The following ZNF433 variants were observed in gnomAD, a reference collection of about 807,000 sequenced individuals.
ZNF433 encodes zinc finger protein 433.
In ZNF433, 12 loss-of-function variants were observed where a neutral mutation model predicts 10.6. The ratio of observed to expected loss-of-function variants is 1.13; its 90% CI spans 0.72 to 1.83. The LOEUF (loss-of-function observed/expected upper bound fraction) is 1.83, where lower values mean the gene tolerates loss of function less well. ZNF433 is among the 40% of genes most tolerant of loss of function. The pLI, the probability that ZNF433 is intolerant of heterozygous loss-of-function variation, is 0.00. For synonymous variants in ZNF433, 272 were observed against 271.3 expected (o/e 1.00, Z -0.02); for missense variants, 737 against 798.0 (o/e 0.92, Z 0.92).
intron 1 of ZNF433, chr19:12,023,879 C>T (rs983863633): frequency 3.9e-5 from 6 of 151,942 alleles, no homozygotes; most frequent in African/African-American, 1.2e-4. Context: ...ACATATGATG[C>T]ATGAAATGGG....
Position 12,015,025 on chromosome 19 carries a change from T to G in ZNF433, c.1833A>C (p.Gly611=). The change falls in exon 4 of 4, where the codon GGA becomes GGC. Residue 611 remains glycine, a synonymous_variant. Transcript: ENST00000550507. The part of the protein sequence containing the change: ...RLQMHGRTHT[G]EKPYKCKQCG... ...ATTGCTTACATTTATACGGTTTCTC[T>G]CCAGTGTGAGTCCTTCCATGCATTT... The G allele has an allele frequency of 6.2e-7, 1 of 1,614,062 alleles. No homozygotes were observed. The highest frequency in any genetic ancestry group is 8.5e-7 in the Non-Finnish European group (1 of 1,179,982).
chr19:12,028,385 TA>T (rs1308166836), intron 1 of ZNF433, among the ~76,000 whole-genome samples: 4 of 152,126 alleles, frequency 2.6e-5, no homozygotes, highest in Non-Finnish European at 4.4e-5. Context: ...ATCAACTGCA[TA>T]AAAAAATGTA....
At chr19:12,026,808 C>G (rs1272743095) in intron 1 of ZNF433, 3 of 454,030 alleles carry the variant, frequency 6.6e-6, no homozygotes, top group African/African-American at 6.0e-5. Flanking sequence ...AATTGCACCT[C>G]TCAGTCTGCC....
intron 1 of ZNF433, chr19:12,025,045 AT>A (rs1974671225): frequency 6.6e-6 from 1 of 152,210 alleles, no homozygotes; most frequent in Non-Finnish European, 1.5e-5. Flanking sequence ...AAATAACTAA[AT>A]TTAAACCAAT....
At chr19:12,019,316 A>C (rs779630122) in intron 1 of ZNF433, among the ~76,000 whole-genome samples, 18 of 152,034 alleles carry the variant, frequency 1.2e-4, no homozygotes, top group Non-Finnish European at 2.2e-4. Flanking sequence ...ACTACTTGGG[A>C]GGCTGGGGCA....
At position 12,014,987 on chromosome 19, in the gene ZNF433, A is replaced by G; in HGVS notation, c.1871T>C (p.Phe624Ser). 1 of 1,613,944 alleles carries G rather than the reference A, an allele frequency of 6.2e-7. No homozygotes were observed. Among genetic ancestry groups the G allele is most frequent in the South Asian group, 1.1e-5 (1 of 91,062 alleles). ...CCTTCGAAGGTTTGAGGGACATCCA[A>G]AAGCTTTCCCACATTGCTTACATTT... ...PYKCKQCGKA[F>S]GCPSNLRRHG... is the part of the protein sequence containing the mutation. Residue 624 changes from phenylalanine to serine, a missense_variant, in exon 4 of 4, where the codon TTT becomes TCT. Coordinates refer to ENST00000550507, the MANE Select transcript of ZNF433 (RefSeq NM_001308348.2).
intron 3 of ZNF433, 71 bp from the exon 4 acceptor site, chr19:12,016,737 C>T (rs1974224265): frequency 2.6e-6 from 4 of 1,528,844 alleles, no homozygotes; most frequent in Non-Finnish European, 3.5e-6. Flanking sequence ...ACAAGTATTG[C>T]ACTTGCATTT....
chr19:12,016,348 C>T lies in ZNF433; in HGVS notation c.510G>A (p.Glu170=), dbSNP rs776105145. 4 of 1,614,182 alleles carry T rather than the reference C, an allele frequency of 2.5e-6. No homozygotes were observed. In the South Asian group the frequency reaches 4.4e-5, roughly 18 times the overall value. ...GGGAAATAAATGTTTTTCCGCATTC[C>T]TCACAAACATAGAGTTTCCTTCCAC... ...AHSGRKLYVC[E]ECGKTFISHS... Residue 170 remains glutamate, a synonymous_variant, in exon 4 of 4, where the codon GAG becomes GAA. Transcript: ENST00000550507.
intron 1 of ZNF433, among the ~76,000 whole-genome samples, chr19:12,028,427 C>A (rs1376087935): frequency 6.6e-6 from 1 of 151,922 alleles, no homozygotes; most frequent in Non-Finnish European, 1.5e-5. Context: ...GGATGCATAC[C>A]CAGGTTATGA....
intron 1 of ZNF433, among the ~76,000 whole-genome samples, chr19:12,032,485 ATT>A (rs112747052): frequency 0.03 from 4,293 of 141,222 alleles, 165 homozygotes; most frequent in African/African-American, 0.091. Flanking sequence ...CTAAATAGCG[ATT>A]TTTTTTTTTT....
At position 12,016,680 on chromosome 19, in the gene ZNF433, GA is replaced by G. The variant is rs763346033; in HGVS notation, c.192-15del. 6.2e-6 allele frequency: 10 copies of G among 1,609,860 alleles called. No individual in the cohort carries two copies. Among genetic ancestry groups the G allele is most frequent in the African/African-American group, 1.3e-5 (1 of 74,758 alleles). On this transcript the variant is annotated splice_polypyrimidine_tract_variant and intron_variant, in intron 3 of 3. Coordinates refer to ENST00000550507, the MANE Select transcript of ZNF433 (RefSeq NM_001308348.2). ...TCTCCCACAATTCTGTGAACAATAA[GA>G]AGTACATTATAATGGGTTTGATTAT... is the stretch of plus-strand genomic sequence containing the variant.
chr19:12,020,875 G>C (rs1229002048), intron 1 of ZNF433, among the ~76,000 whole-genome samples: 3 of 149,814 alleles, frequency 2.0e-5, no homozygotes, highest in Admixed American at 6.6e-5. Context: ...TTGCACTCCA[G>C]CCTGGGCGAC....
intron 1 of ZNF433, among the ~76,000 whole-genome samples, chr19:12,019,242 G>T (rs1275231362): frequency 1.3e-5 from 2 of 151,684 alleles, no homozygotes; most frequent in African/African-American, 4.8e-5. Context: ...CCAACATGGT[G>T]AAACACCGTC....
intron 1 of ZNF433, among the ~76,000 whole-genome samples, chr19:12,033,885 C>T (rs1975154360): frequency 6.6e-6 from 1 of 152,132 alleles, no homozygotes; most frequent in South Asian, 2.1e-4. Flanking sequence ...GAGTTGGTGT[C>T]TGCAAATTTT....
intron 1 of ZNF433, among the ~76,000 whole-genome samples, chr19:12,031,030 G>A (rs1157895680): frequency 6.6e-6 from 1 of 152,072 alleles, no homozygotes; most frequent in Non-Finnish European, 1.5e-5. Context: ...GGTGTGGCTG[G>A]CTCACGCCTG....
At chr19:12,028,124 C>T (rs1974828476) in intron 1 of ZNF433, 1 of 151,950 alleles carries the variant, frequency 6.6e-6, no homozygotes, top group African/African-American at 2.4e-5. Flanking sequence ...TTCACTGTGG[C>T]TTCAATCACC....
At chr19:12,016,737 C>G in intron 3 of ZNF433, 71 bp from the exon 4 acceptor site, 1 of 1,528,844 alleles carries the variant, frequency 6.5e-7, no homozygotes, top group Non-Finnish European at 8.7e-7. Flanking sequence ...ACAAGTATTG[C>G]ACTTGCATTT....
intron 1 of ZNF433, among the ~76,000 whole-genome samples, chr19:12,032,869 A>C (rs1343974756): frequency 6.6e-6 from 1 of 152,202 alleles, no homozygotes; most frequent in Non-Finnish European, 1.5e-5. Context: ...ATTACAATTA[A>C]TAAAAAACCT....
At chr19:12,032,707 C>T (rs1398429804) in intron 1 of ZNF433, among the ~76,000 whole-genome samples, 2 of 152,100 alleles carry the variant, frequency 1.3e-5, no homozygotes, top group Non-Finnish European at 2.9e-5. Flanking sequence ...TGGTCTTGAA[C>T]TCCTGACCTC....
Sources: gnomAD v4.1 joint callset for allele counts (sites outside exome capture counted in the v4.1 genomes callset) on GRCh38, gnomAD v4.1.1 for gene constraint, MANE v1.5 for transcripts, NCBI Gene and HGNC (gene_info 2026-07-23, HGNC 2026-07-21) for gene names.